The following TENM3 variants were observed in gnomAD, a reference collection of about 807,000 sequenced individuals.
TENM3 encodes the protein teneurin transmembrane protein 3.
A neutral mutation model predicts 255.1 loss-of-function variants in TENM3; 63 were observed. The ratio of observed to expected loss-of-function variants is 0.25; its 90% CI spans 0.20 to 0.30. The LOEUF is 0.30. TENM3 is among the 10% of genes least tolerant of loss of function. The pLI is 1.00. For synonymous variants in TENM3, 1,306 were observed against 1,322.3 expected (o/e 0.99, Z 0.27); for missense variants, 2,929 against 3,461.1 (o/e 0.85, Z 3.86).
chr4:182,187,481 C>T (rs1413044371), intron 1 of TENM3, among the ~76,000 whole-genome samples: 11 of 152,236 alleles, frequency 7.2e-5, no homozygotes, highest in African/African-American at 2.6e-4. Flanking sequence ...CGCCAACTCT[C>T]CCCAAATGAG....
At chr4:181,484,762 T>C in the TENM3 span, among the ~76,000 whole-genome samples, 1 of 152,156 alleles carries the variant, frequency 6.6e-6, no homozygotes, top group Non-Finnish European at 1.5e-5. Context: ...AACAGATGAA[T>C]TAATTTCTTC....
the TENM3 span, among the ~76,000 whole-genome samples, chr4:181,503,127 C>A: frequency 8.2e-3 from 1,246 of 152,206 alleles, 17 homozygotes; most frequent in African/African-American, 0.029. Context: ...CCCTGGGAGA[C>A]CGAGGTGGGA....
intron 3 of TENM3, among the ~76,000 whole-genome samples, chr4:182,360,761 A>T (rs1305290433): frequency 6.6e-6 from 1 of 151,950 alleles, no homozygotes; most frequent in East Asian, 1.9e-4. Flanking sequence ...TGAACCTGTC[A>T]TTATGATGTT....
chr4:182,205,083 G>T (rs1376819378), intron 1 of TENM3, among the ~76,000 whole-genome samples: 1 of 152,018 alleles, frequency 6.6e-6, no homozygotes, highest in African/African-American at 2.4e-5. Context: ...AGTAAAATAC[G>T]GTTTGAGAAT....
chr4:182,168,388 G>A (rs956055811), intron 1 of TENM3, among the ~76,000 whole-genome samples: 10 of 152,090 alleles, frequency 6.6e-5, no homozygotes, highest in African/African-American at 2.4e-4. Context: ...TCTTGCCTTG[G>A]CCTCCAAAAG....
chr4:181,860,728 C>T, the TENM3 span, among the ~76,000 whole-genome samples: 135 of 152,198 alleles, frequency 8.9e-4, no homozygotes, highest in Non-Finnish European at 9.6e-4. Flanking sequence ...ATGGGGGCTC[C>T]GGGGTCCCAG....
intron 2 of TENM3, among the ~76,000 whole-genome samples, chr4:182,337,579 A>C (rs903847694): frequency 6.6e-6 from 1 of 152,228 alleles, no homozygotes; most frequent in Non-Finnish European, 1.5e-5. Flanking sequence ...TGAAACTTTC[A>C]TATGTAAAAT....
the TENM3 span, among the ~76,000 whole-genome samples, chr4:181,548,827 C>T: frequency 8.6e-4 from 131 of 152,188 alleles, no homozygotes; most frequent in African/African-American, 3.0e-3. Context: ...GCTCTTGCTC[C>T]AGGGCATTTG....
intron 5 of TENM3, among the ~76,000 whole-genome samples, chr4:182,642,138 A>C (rs1752369894): frequency 6.6e-6 from 1 of 152,228 alleles, no homozygotes; most frequent in Non-Finnish European, 1.5e-5. Context: ...GCTTATAGGT[A>C]ATGGCTGACC....
intron 3 of TENM3, among the ~76,000 whole-genome samples, chr4:182,455,552 T>C (rs1229803817): frequency 1.6e-5 from 2 of 126,154 alleles, no homozygotes; most frequent in African/African-American, 5.7e-5. Context: ...GCATGGTATT[T>C]CTTTTTTTTT....
At chr4:181,709,532 A>C in the TENM3 span, among the ~76,000 whole-genome samples, 1 of 152,262 alleles carries the variant, frequency 6.6e-6, no homozygotes, top group Non-Finnish European at 1.5e-5. Context: ...GGGAGGCAGA[A>C]TATTCCAGGC....
At chr4:181,750,997 T>G in the TENM3 span, among the ~76,000 whole-genome samples, 1 of 152,184 alleles carries the variant, frequency 6.6e-6, no homozygotes, top group African/African-American at 2.4e-5. Context: ...TTAAAATATT[T>G]CAGCATGCAA....
intron 3 of TENM3, among the ~76,000 whole-genome samples, chr4:182,598,267 T>C (rs962569311): frequency 6.6e-6 from 1 of 152,146 alleles, no homozygotes; most frequent in Non-Finnish European, 1.5e-5. Flanking sequence ...TCCACCAAAT[T>C]TTAGATTGAA....
chr4:182,170,308 T>C (rs1247401570), intron 1 of TENM3, among the ~76,000 whole-genome samples: 1 of 152,126 alleles, frequency 6.6e-6, no homozygotes, highest in African/African-American at 2.4e-5. Flanking sequence ...CATACTTTCT[T>C]CTATAACGTA....
At chr4:181,888,242 G>C in the TENM3 span, among the ~76,000 whole-genome samples, 1 of 151,436 alleles carries the variant, frequency 6.6e-6, no homozygotes, top group Non-Finnish European at 1.5e-5. Context: ...TGTTGGCCAG[G>C]CTGGTCTTGA....
chr4:182,667,175 TTTTG>T (rs917080437), intron 6 of TENM3, among the ~76,000 whole-genome samples: 2 of 17,302 alleles, frequency 1.2e-4, no homozygotes, highest in African/African-American at 3.7e-4. Flanking sequence ...GTTACCATTT[TTTTG>T]TTTTGTTTTG....
At chr4:181,915,710 G>C in the TENM3 span, among the ~76,000 whole-genome samples, 1 of 151,378 alleles carries the variant, frequency 6.6e-6, no homozygotes, top group East Asian at 2.0e-4. Context: ...GGAGAGAAAA[G>C]AGGAGGGGAG....
chr4:182,153,931 A>G lies in TENM3; in HGVS notation c.-76+9177A>G, dbSNP rs933673301. 3.3e-5 allele frequency among the ~76,000 whole-genome samples: 5 copies of G among 152,292 alleles called. 1 individual carries two copies. The highest frequency in any genetic ancestry group is 3.9e-4 in the East Asian group (2 of 5,184). The stretch of plus-strand genomic sequence containing the variant: ...CTATAATTCACTTTTAAAATTTTAA[A>G]TGTTGAGGAAAGTGAAGTATAAATA... On this transcript the variant is annotated intron_variant, in intron 1 of 2. Transcript: ENST00000512480.
chr4:182,333,951 T>C (rs1763939342), intron 2 of TENM3, among the ~76,000 whole-genome samples: 1 of 152,190 alleles, frequency 6.6e-6, no homozygotes, highest in South Asian at 2.1e-4. Flanking sequence ...ATGACCTGTG[T>C]GTGAATCCCA....
Sources: gnomAD v4.1 joint callset for allele counts (sites outside exome capture counted in the v4.1 genomes callset) on GRCh38, gnomAD v4.1.1 for gene constraint, MANE v1.5 for transcripts, NCBI Gene and HGNC (gene_info 2026-07-23, HGNC 2026-07-21) for gene names.